Variants in SSBP2 observed in about 807,000 individuals in gnomAD.
The protein encoded by SSBP2 is single-stranded DNA-binding protein 2.
A neutral mutation model predicts 61.8 loss-of-function variants in SSBP2; 17 were observed. The observed-to-expected ratio is 0.28, with a 90% CI of 0.19 to 0.41. The LOEUF (loss-of-function observed/expected upper bound fraction) is 0.41, where lower values mean the gene tolerates loss of function less well. SSBP2 is among the 10% of genes least tolerant of loss of function. The probability of loss-of-function intolerance (pLI) is 1.00; values close to 1 mark genes in which losing one functional copy is unlikely to be tolerated. For missense variants in SSBP2, 310 were observed against 458.7 expected, an observed-to-expected ratio of 0.68 and a Z score of 2.96; for synonymous variants, 139 against 141.3, an observed-to-expected ratio of 0.98 and a Z score of 0.12.
At chr5:81,705,543 TA>T (rs1754312765) in intron 1 of SSBP2, among the ~76,000 whole-genome samples, 1 of 152,152 alleles carries the variant, frequency 6.6e-6, no homozygotes, top group Non-Finnish European at 1.5e-5. Context: ...TAAAGAGCCA[TA>T]AACACACCAA....
chr5:81,486,604 T>C (rs1435559048), intron 6 of SSBP2, among the ~76,000 whole-genome samples: 1 of 152,110 alleles, frequency 6.6e-6, no homozygotes, highest in Non-Finnish European at 1.5e-5. Flanking sequence ...CTGCCTCCAA[T>C]AAGAGATGCA....
chr5:81,428,894 C>A (rs185421700), intron 15 of SSBP2, among the ~76,000 whole-genome samples: 1,956 of 152,062 alleles, frequency 0.013, 12 homozygotes, highest in Non-Finnish European at 0.014. Context: ...AATAAAAAAA[C>A]CCCCAATAAC....
intron 1 of SSBP2, among the ~76,000 whole-genome samples, chr5:81,708,094 T>A (rs1408745881): frequency 6.6e-6 from 1 of 152,080 alleles, no homozygotes; most frequent in Non-Finnish European, 1.5e-5. Context: ...TTTAAAACTA[T>A]AACCCCCCGC....
chr5:81,703,562 TAATAAA>T (rs1300221960), intron 1 of SSBP2, among the ~76,000 whole-genome samples: 1 of 151,800 alleles, frequency 6.6e-6, no homozygotes, highest in Non-Finnish European at 1.5e-5. Context: ...AGTATAATAA[TAATAAA>T]ATTTAAAAAA....
At chr5:81,706,743 T>G (rs1348000162) in intron 1 of SSBP2, among the ~76,000 whole-genome samples, 3 of 152,182 alleles carry the variant, frequency 2.0e-5, no homozygotes, top group Admixed American at 2.0e-4. Flanking sequence ...CAGGCAATCT[T>G]CTTACCGTTT....
At chr5:81,705,658 C>G (rs1754323501) in intron 1 of SSBP2, among the ~76,000 whole-genome samples, 1 of 152,196 alleles carries the variant, frequency 6.6e-6, no homozygotes, top group Non-Finnish European at 1.5e-5. Context: ...GAAGTCAAGT[C>G]CTTCCTTTAG....
At position 81,420,310 on chromosome 5, in the gene SSBP2, C is replaced by A. The variant is rs1761517672; in HGVS notation, c.*194G>T. On this transcript the variant is annotated 3_prime_UTR_variant, in exon 17 of 17. Transcript: ENST00000320672. ...TTTAGGGCAATTCTAATATGCCACTCCGTACAGTTGTTTGAATCACATTTG... is the reference window on the plus strand; with the variant it reads ...TTTAGGGCAATTCTAATATGCCACTACGTACAGTTGTTTGAATCACATTTG... 1 of 609,340 alleles carries A rather than the reference C, an allele frequency of 1.6e-6. No homozygotes were observed. Among genetic ancestry groups the A allele is most frequent in the African/African-American group, 1.8e-5 (1 of 54,064 alleles). The allele number at this position is 609,340 out of a possible 1,614,324, so 37.7% of individuals were successfully genotyped here. A position where few individuals can be genotyped will look rare whatever the true frequency, so the allele number is the denominator to read the frequency against.
intron 8 of SSBP2, 126 bp downstream of exon 8, chr5:81,473,574 C>T: frequency 2.5e-6 from 2 of 811,810 alleles, no homozygotes; most frequent in Admixed American, 2.2e-5. Flanking sequence ...TAATCGCATT[C>T]CTTTTTATGG....
At chr5:81,716,939 G>A (rs1755206842) in intron 1 of SSBP2, among the ~76,000 whole-genome samples, 1 of 152,068 alleles carries the variant, frequency 6.6e-6, no homozygotes, top group African/African-American at 2.4e-5. Flanking sequence ...TACAATTAAG[G>A]AAATACATGG....
At chr5:81,690,093 A>T (rs1753093996) in intron 1 of SSBP2, among the ~76,000 whole-genome samples, 2 of 152,108 alleles carry the variant, frequency 1.3e-5, no homozygotes, top group South Asian at 4.1e-4. Context: ...AAAAGAATAC[A>T]ACAGATAAAC....
chr5:81,442,422 T>A (rs1483241723), intron 13 of SSBP2, among the ~76,000 whole-genome samples: 1 of 152,096 alleles, frequency 6.6e-6, no homozygotes, highest in African/African-American at 2.4e-5. Flanking sequence ...GAAACTAATG[T>A]GTAATTGATT....
intron 4 of SSBP2, among the ~76,000 whole-genome samples, chr5:81,570,813 C>T (rs1254524265): frequency 6.6e-6 from 1 of 152,114 alleles, no homozygotes. Flanking sequence ...CTCCACATGC[C>T]CCTAGTGAAG....
At chr5:81,520,490 CCAATAT>C (rs1468281536) in intron 4 of SSBP2, among the ~76,000 whole-genome samples, 2 of 151,924 alleles carry the variant, frequency 1.3e-5, no homozygotes, top group African/African-American at 4.8e-5. Context: ...AATGAGAATA[CCAATAT>C]CAAGTTTGCA....
intron 4 of SSBP2, among the ~76,000 whole-genome samples, chr5:81,527,538 G>C (rs1009613554): frequency 6.6e-6 from 1 of 151,978 alleles, no homozygotes; most frequent in Non-Finnish European, 1.5e-5. Flanking sequence ...CATGGGAGAA[G>C]CATAAGTTAA....
At chr5:81,593,965 T>C (rs924019848) in intron 4 of SSBP2, among the ~76,000 whole-genome samples, 2 of 152,192 alleles carry the variant, frequency 1.3e-5, no homozygotes, top group African/African-American at 4.8e-5. Flanking sequence ...AACATCATAA[T>C]GACAGGATCA....
Position 81,416,434 on chromosome 5 carries a change from G to A in SSBP2, c.*4070C>T, listed in dbSNP as rs1216133399. 1 of 152,220 alleles carries A rather than the reference G, an allele frequency of 6.6e-6. No homozygotes were observed. The highest frequency in any genetic ancestry group is 2.4e-5 in the African/African-American group (1 of 41,428). 9.4% of individuals were successfully genotyped at this position (152,220 alleles called of 1,614,324 possible). A position where few individuals can be genotyped will look rare whatever the true frequency, so the allele number is the denominator to read the frequency against. On this transcript the variant is annotated 3_prime_UTR_variant, in exon 17 of 17. Transcript: ENST00000320672. The stretch of plus-strand genomic sequence containing the variant: ...AATGGTAAGGGCTGAGAAGGTAACA[G>A]TGTTCAGTTGGTATTTTATTTCTCC...
intron 1 of SSBP2, among the ~76,000 whole-genome samples, chr5:81,683,504 A>T (rs1439389260): frequency 6.6e-6 from 1 of 152,242 alleles, no homozygotes; most frequent in Non-Finnish European, 1.5e-5. Context: ...ATATACCTAA[A>T]TGAAAATGTA....
In SSBP2 at chr5:81,690,726, A is replaced by AAT. The variant is rs1753140105; in HGVS notation, c.63-40389_63-40388dup. On this transcript the variant is annotated intron_variant, in intron 1 of 16. Transcript: ENST00000320672. ...TCTTCACTATAGGCCAAATGGACCTAATAGATATTTACAGAACACTTCATC... is the reference window on the plus strand; with the variant it reads ...TCTTCACTATAGGCCAAATGGACCTAATATAGATATTTACAGAACACTTCATC... 2.6e-5 allele frequency among the ~76,000 whole-genome samples: 4 copies of AAT among 152,268 alleles called. No individual in the cohort carries two copies. In the South Asian group the frequency reaches 8.3e-4, roughly 32 times the overall value.
intron 4 of SSBP2, among the ~76,000 whole-genome samples, chr5:81,545,150 TA>T (rs750531496): frequency 8.5e-5 from 13 of 152,330 alleles, no homozygotes; most frequent in South Asian, 2.1e-4. Context: ...ATAAAACACA[TA>T]TTTTTTTAGT....
Sources: allele counts gnomAD v4.1 joint callset (sites outside exome capture counted in the v4.1 genomes callset), GRCh38; gene constraint gnomAD v4.1.1; transcripts MANE v1.5; gene names NCBI Gene and HGNC (gene_info 2026-07-23, HGNC 2026-07-21).